Variants in RABL3 observed in about 807,000 individuals in gnomAD.
The protein encoded by RABL3 is RAB, member of RAS oncogene family like 3.
Under a neutral mutation model 31.8 loss-of-function variants are expected in RABL3, and 31 were observed. The ratio of observed to expected loss-of-function variants is 0.97; its 90% CI spans 0.73 to 1.31. The LOEUF (loss-of-function observed/expected upper bound fraction) is 1.31. Among genes scored for constraint, RABL3 ranks in the 40% most tolerant of loss-of-function variants. RABL3 has a pLI of 0.00. For missense variants in RABL3, 263 were observed against 279.6 expected, an observed-to-expected ratio of 0.94 and a Z score of 0.42; for synonymous variants, 97 against 99.9, an observed-to-expected ratio of 0.97 and a Z score of 0.18.
At chr3:120,715,132 C>G (rs963071011) in intron 2 of RABL3, among the ~76,000 whole-genome samples, 2 of 152,184 alleles carry the variant, frequency 1.3e-5, no homozygotes, top group African/African-American at 4.8e-5. Context: ...CTTACTTAAG[C>G]CACCCATTCA....
chr3:120,693,364 A>G (rs143756440), intron 6 of RABL3, among the ~76,000 whole-genome samples: 3 of 152,350 alleles, frequency 2.0e-5, no homozygotes, highest in African/African-American at 7.2e-5. Context: ...AATAGTTAAA[A>G]GAAAAAAATG....
chr3:120,736,983 G>A (rs1463364589), intron 1 of RABL3, among the ~76,000 whole-genome samples: 2 of 152,184 alleles, frequency 1.3e-5, no homozygotes, highest in East Asian at 3.8e-4. Flanking sequence ...CAACTTTGGT[G>A]AATCTGACAA....
Position 120,686,684 on chromosome 3 carries a change from T to C in RABL3, c.*3139A>G, listed in dbSNP as rs1708311297. On this transcript the variant is annotated 3_prime_UTR_variant, in exon 8 of 8. Transcript: ENST00000273375. ...GGCACCTATAACGAAAGACAGATTATTGAGAAAAGCACACACATTTATTTA... is the reference window on the plus strand; with the variant it reads ...GGCACCTATAACGAAAGACAGATTACTGAGAAAAGCACACACATTTATTTA... 1 of 152,200 alleles carries C rather than the reference T, an allele frequency of 6.6e-6. No homozygotes were observed. Among genetic ancestry groups the C allele is most frequent in the African/African-American group, 2.4e-5 (1 of 41,444 alleles). 9.4% of individuals were successfully genotyped at this position (152,200 alleles called of 1,614,324 possible). A position where few individuals can be genotyped will look rare whatever the true frequency, so the allele number is the denominator to read the frequency against.
intron 4 of RABL3, 130 bp from the exon 5 acceptor site, chr3:120,698,703 C>G: frequency 1.4e-6 from 1 of 734,632 alleles, no homozygotes; most frequent in South Asian, 1.9e-5. Context: ...ACCTACAAAC[C>G]TACTTTCCTT....
At chr3:120,691,030 TTAAC>T (rs1231235439) in intron 6 of RABL3, among the ~76,000 whole-genome samples, 3 of 152,164 alleles carry the variant, frequency 2.0e-5, no homozygotes, top group South Asian at 4.2e-4. Flanking sequence ...CTACTTTTTT[TTAAC>T]TAACTGCACC....
intron 4 of RABL3, among the ~76,000 whole-genome samples, chr3:120,700,069 T>C (rs1559812912): frequency 6.6e-6 from 1 of 152,202 alleles, no homozygotes; most frequent in African/African-American, 2.4e-5. Flanking sequence ...AGCATACATA[T>C]ATAGTTTGCT....
At chr3:120,737,976 G>T (rs1418447773) in intron 1 of RABL3, among the ~76,000 whole-genome samples, 2 of 152,310 alleles carry the variant, frequency 1.3e-5, no homozygotes, top group East Asian at 3.9e-4. Context: ...CGGGGGTCAG[G>T]GACCCACTTG....
At chr3:120,702,955 A>C (rs909720911) in intron 4 of RABL3, among the ~76,000 whole-genome samples, 1 of 152,162 alleles carries the variant, frequency 6.6e-6, no homozygotes, top group Non-Finnish European at 1.5e-5. Context: ...TTGGCCCTGG[A>C]CATAGGTGCA....
At chr3:120,721,823 C>A (rs529987936) in intron 2 of RABL3, among the ~76,000 whole-genome samples, 1 of 152,264 alleles carries the variant, frequency 6.6e-6, no homozygotes, top group East Asian at 1.9e-4. Context: ...CTGCACCAAG[C>A]GGACCTAATA....
At chr3:120,732,275 G>A (rs1376234048) in intron 1 of RABL3, among the ~76,000 whole-genome samples, 1 of 152,150 alleles carries the variant, frequency 6.6e-6, no homozygotes, top group African/African-American at 2.4e-5. Flanking sequence ...ATTAATCTTT[G>A]GAGAGTCAGC....
At chr3:120,703,502 A>C (rs4676825) in intron 4 of RABL3, among the ~76,000 whole-genome samples, 149,507 of 151,982 alleles carry the variant, frequency 0.98, 73,580 homozygotes, top group Middle Eastern at 1. Context: ...GGTATCCAGT[A>C]AGTAATCTAA....
chr3:120,700,229 G>C (rs1708479089), intron 4 of RABL3, among the ~76,000 whole-genome samples: 1 of 152,066 alleles, frequency 6.6e-6, no homozygotes, highest in South Asian at 2.1e-4. Flanking sequence ...ACATCACAAA[G>C]AGACACACAG....
chr3:120,709,552 G>C (rs908399975), intron 3 of RABL3, among the ~76,000 whole-genome samples: 1 of 151,962 alleles, frequency 6.6e-6, no homozygotes, highest in African/African-American at 2.4e-5. Context: ...TCAATATTTA[G>C]TTTATGACAA....
At chr3:120,691,730 G>A (rs756137363) in intron 6 of RABL3, among the ~76,000 whole-genome samples, 16 of 152,236 alleles carry the variant, frequency 1.1e-4, no homozygotes, top group Admixed American at 2.0e-4. Flanking sequence ...AAAGTTAATC[G>A]GATAATAATA....
chr3:120,732,346 CTA>C (rs1487836460), intron 1 of RABL3, among the ~76,000 whole-genome samples: 6 of 152,134 alleles, frequency 3.9e-5, no homozygotes, highest in Non-Finnish European at 8.8e-5. Context: ...ATAGCATCCA[CTA>C]TTCTCTGGGC....
At chr3:120,721,828 C>G (rs1269990059) in intron 2 of RABL3, among the ~76,000 whole-genome samples, 1 of 152,168 alleles carries the variant, frequency 6.6e-6, no homozygotes, top group East Asian at 1.9e-4. Context: ...CCAAGCGGAC[C>G]TAATAGATAT....
intron 2 of RABL3, among the ~76,000 whole-genome samples, chr3:120,723,986 T>C (rs1396291514): frequency 1.3e-5 from 2 of 152,040 alleles, no homozygotes; most frequent in Non-Finnish European, 1.5e-5. Flanking sequence ...GGGTATTCAA[T>C]TAGGAAAAGA....
At chr3:120,726,006 C>T (rs1708815939) in intron 2 of RABL3, among the ~76,000 whole-genome samples, 2 of 151,834 alleles carry the variant, frequency 1.3e-5, no homozygotes, top group South Asian at 2.1e-4. Flanking sequence ...TTTATGGAGG[C>T]GGGGGTCTCA....
At chr3:120,735,511 A>AT (rs1014436681) in intron 1 of RABL3, among the ~76,000 whole-genome samples, 70 of 152,038 alleles carry the variant, frequency 4.6e-4, no homozygotes, top group Middle Eastern at 3.4e-3. Context: ...GGATTCATTG[A>AT]TTTTTTGAAG....
Sources: gnomAD v4.1 joint callset for allele counts (sites outside exome capture counted in the v4.1 genomes callset) on GRCh38, gnomAD v4.1.1 for gene constraint, MANE v1.5 for transcripts, NCBI Gene and HGNC (gene_info 2026-07-23, HGNC 2026-07-21) for gene names.